The following ZNF804A variants were observed in gnomAD, a reference collection of about 807,000 sequenced individuals.
ZNF804A encodes zinc finger protein 804A.
A neutral mutation model predicts 16.5 loss-of-function variants in ZNF804A; 2 were observed. That is an observed-to-expected ratio of 0.12 (90% confidence interval 0.05 to 0.38). ZNF804A has a LOEUF of 0.38. Ranked by LOEUF, ZNF804A falls within the 10% of genes least tolerant of loss-of-function variation. The pLI is 0.99. For missense variants in ZNF804A, 1,473 were observed against 1,390.7 expected, an observed-to-expected ratio of 1.06 and a Z score of -0.94; for synonymous variants, 534 against 489.6, an observed-to-expected ratio of 1.09 and a Z score of -1.20.
chr2:184,655,947 T>G (rs1220478058), intron 1 of ZNF804A, among the ~76,000 whole-genome samples: 2 of 152,094 alleles, frequency 1.3e-5, no homozygotes, highest in Non-Finnish European at 2.9e-5. Flanking sequence ...AAAGTAGGAG[T>G]TAAATAATTA....
chr2:184,723,736 T>C (rs1419598766), intron 1 of ZNF804A, among the ~76,000 whole-genome samples: 1 of 151,752 alleles, frequency 6.6e-6, no homozygotes, highest in Non-Finnish European at 1.5e-5. Context: ...AAAACAGCAA[T>C]GATTTTCCAT....
At chr2:184,705,983 T>G (rs568981136) in intron 1 of ZNF804A, among the ~76,000 whole-genome samples, 1 of 152,302 alleles carries the variant, frequency 6.6e-6, no homozygotes, top group East Asian at 1.9e-4. Flanking sequence ...CACTTGATTA[T>G]TAAAACCCTT....
rs913425488 is a variant in ZNF804A, at chr2:184,930,400, A to T, written c.256-3203A>T. 1.1e-4 allele frequency among the ~76,000 whole-genome samples: 16 copies of T among 152,342 alleles called. No individual in the cohort carries two copies. In the South Asian group the frequency reaches 1.2e-3, roughly 12 times the overall value. On this transcript the variant is annotated intron_variant, in intron 2 of 3. Transcript: ENST00000302277. Reference sequence around the variant, plus strand: ...ACATTTATGACATGATTTATCTTTCATCTAAATTCTACTCTGGAAAGTCTT... The same window carrying T: ...ACATTTATGACATGATTTATCTTTCTTCTAAATTCTACTCTGGAAAGTCTT...
At chr2:184,741,430 C>CAA (rs2105752985) in intron 1 of ZNF804A, among the ~76,000 whole-genome samples, 1 of 152,226 alleles carries the variant, frequency 6.6e-6, no homozygotes, top group African/African-American at 2.4e-5. Flanking sequence ...GGGGATTCAT[C>CAA]AACACATTTA....
At chr2:184,661,862 C>A (rs1485615914) in intron 1 of ZNF804A, among the ~76,000 whole-genome samples, 2 of 152,112 alleles carry the variant, frequency 1.3e-5, no homozygotes, top group African/African-American at 4.8e-5. Flanking sequence ...AACTGTTGTT[C>A]CACCAACATT....
At chr2:184,896,455 TAGCCAA>T (rs1164501240) in intron 2 of ZNF804A, among the ~76,000 whole-genome samples, 2 of 152,144 alleles carry the variant, frequency 1.3e-5, no homozygotes, top group East Asian at 3.8e-4. Flanking sequence ...TCATAGCTCA[TAGCCAA>T]TAGTGAATAA....
At chr2:184,819,409 C>A (rs957653272) in intron 1 of ZNF804A, among the ~76,000 whole-genome samples, 1 of 151,970 alleles carries the variant, frequency 6.6e-6, no homozygotes, top group African/African-American at 2.4e-5. Context: ...CTCTGGGACA[C>A]AGCTAAAGTA....
Position 184,789,633 on chromosome 2 carries a change from A to G in ZNF804A, c.112-76736A>G, listed in dbSNP as rs533949047. On this transcript the variant is annotated intron_variant, in intron 1 of 3. Transcript: ENST00000302277. Reference sequence around the variant, plus strand: ...CTATTTTGTGTGCACAGAGGTGTTCATAGAAATCTCTGATGATCTTTTGCA... The same window carrying G: ...CTATTTTGTGTGCACAGAGGTGTTCGTAGAAATCTCTGATGATCTTTTGCA... Among the ~76,000 whole-genome samples, 12 of 152,246 alleles carry G rather than the reference A, an allele frequency of 7.9e-5. 1 individual carries two copies. In the South Asian group the frequency reaches 1.2e-3, roughly 16 times the overall value.
chr2:184,698,428 T>C (rs1419373304), intron 1 of ZNF804A, among the ~76,000 whole-genome samples: 1 of 152,128 alleles, frequency 6.6e-6, no homozygotes, highest in Non-Finnish European at 1.5e-5. Context: ...AATCATGTAA[T>C]TTCTCAGCAG....
chr2:184,818,222 T>G (rs1463682703), intron 1 of ZNF804A, among the ~76,000 whole-genome samples: 9 of 151,884 alleles, frequency 5.9e-5, no homozygotes, highest in Admixed American at 5.9e-4. Context: ...AGCAGAAACC[T>G]TACAATCCAC....
At chr2:184,794,185 C>A (rs529436988) in intron 1 of ZNF804A, among the ~76,000 whole-genome samples, 1 of 152,262 alleles carries the variant, frequency 6.6e-6, no homozygotes, top group East Asian at 1.9e-4. Flanking sequence ...TCCATTCCCA[C>A]CAGCAGTGTA....
At chr2:184,837,218 C>T (rs1245221302) in intron 1 of ZNF804A, among the ~76,000 whole-genome samples, 1 of 151,994 alleles carries the variant, frequency 6.6e-6, no homozygotes, top group East Asian at 1.9e-4. Context: ...CAGGAAGAAA[C>T]ATGCGTCCTT....
intron 1 of ZNF804A, among the ~76,000 whole-genome samples, chr2:184,831,173 G>A (rs771855699): frequency 1.3e-5 from 2 of 151,986 alleles, no homozygotes; most frequent in African/African-American, 2.4e-5. Context: ...TTATTTATAC[G>A]CCCGCTTTTA....
At chr2:184,929,797 A>T (rs1685668176) in intron 2 of ZNF804A, among the ~76,000 whole-genome samples, 1 of 152,118 alleles carries the variant, frequency 6.6e-6, no homozygotes, top group South Asian at 2.1e-4. Flanking sequence ...GGTCCCTGAT[A>T]CACACTCTCA....
At chr2:184,831,401 A>G (rs559582234) in intron 1 of ZNF804A, among the ~76,000 whole-genome samples, 1 of 152,190 alleles carries the variant, frequency 6.6e-6, no homozygotes, top group African/African-American at 2.4e-5. Context: ...TGTTATACAG[A>G]AGTTTCAACC....
At chr2:184,822,534 A>G (rs935652583) in intron 1 of ZNF804A, among the ~76,000 whole-genome samples, 7 of 152,124 alleles carry the variant, frequency 4.6e-5, no homozygotes, top group African/African-American at 1.4e-4. Context: ...AAGTTGAAGA[A>G]AAGGTAAATA....
chr2:184,721,671 C>T (rs936502122), intron 1 of ZNF804A, among the ~76,000 whole-genome samples: 1 of 151,954 alleles, frequency 6.6e-6, no homozygotes, highest in Non-Finnish European at 1.5e-5. Context: ...TGGAGAATAG[C>T]ATGTAGTTTT....
chr2:184,717,113 T>G (rs1693227526), intron 1 of ZNF804A, among the ~76,000 whole-genome samples: 1 of 152,136 alleles, frequency 6.6e-6, no homozygotes, highest in African/African-American at 2.4e-5. Context: ...ATAAATAATT[T>G]GAATTATGAT....
At chr2:184,701,126 A>G (rs1692912203) in intron 1 of ZNF804A, among the ~76,000 whole-genome samples, 2 of 152,104 alleles carry the variant, frequency 1.3e-5, no homozygotes, top group African/African-American at 4.8e-5. Flanking sequence ...GTACTTAAAA[A>G]AAGAAATGGG....
Sources: allele counts gnomAD v4.1 joint callset (sites outside exome capture counted in the v4.1 genomes callset), GRCh38; gene constraint gnomAD v4.1.1; transcripts MANE v1.5; gene names NCBI Gene and HGNC (gene_info 2026-07-23, HGNC 2026-07-21).